Variants in SDK2 observed in about 807,000 individuals in gnomAD.
SDK2 encodes the protein sidekick cell adhesion molecule 2.
SDK2 carries 105 observed loss-of-function variants against 253.9 expected under a neutral mutation model. The ratio of observed to expected loss-of-function variants is 0.41; its 90% confidence interval spans 0.35 to 0.49. The LOEUF (loss-of-function observed/expected upper bound fraction) is 0.49. SDK2 is among the 20% of genes least tolerant of loss of function. The pLI is 0.06. For missense variants in SDK2, 2,608 were observed against 3,003.0 expected, an observed-to-expected ratio of 0.87 and a Z score of 3.07; for synonymous variants, 1,249 against 1,234.9, an observed-to-expected ratio of 1.01 and a Z score of -0.24.
chr17:73,347,794 T>C (rs1211129964), intron 44 of SDK2, among the ~76,000 whole-genome samples: 3 of 152,168 alleles, frequency 2.0e-5, no homozygotes, highest in African/African-American at 7.2e-5. Context: ...CCACACAGCC[T>C]GGGACAGTGT....
intron 3 of SDK2, among the ~76,000 whole-genome samples, chr17:73,457,564 C>T (rs915326350): frequency 2.0e-5 from 3 of 151,632 alleles, no homozygotes; most frequent in East Asian, 1.9e-4. Context: ...TTGGCCAGGC[C>T]GGTCTTGAAC....
intron 3 of SDK2, among the ~76,000 whole-genome samples, chr17:73,456,418 T>C (rs1461887065): frequency 6.6e-6 from 1 of 152,160 alleles, no homozygotes; most frequent in African/African-American, 2.4e-5. Context: ...GAATTTGAAC[T>C]CGGACCTTAA....
At chr17:73,531,304 C>T (rs35585985) in intron 1 of SDK2, among the ~76,000 whole-genome samples, 6,221 of 152,176 alleles carry the variant, frequency 0.041, 128 homozygotes, top group Middle Eastern at 0.12. Context: ...GTAGAGGTAC[C>T]GTAATTTTCT....
intron 40 of SDK2, among the ~76,000 whole-genome samples, chr17:73,354,314 G>A (rs1568362715): frequency 6.6e-6 from 1 of 152,186 alleles, no homozygotes; most frequent in Non-Finnish European, 1.5e-5. Flanking sequence ...CTCTTTATCC[G>A]TGGCTCTCTG....
chr17:73,444,887 C>T (rs1246758070), intron 5 of SDK2, among the ~76,000 whole-genome samples: 1 of 152,184 alleles, frequency 6.6e-6, no homozygotes, highest in Non-Finnish European at 1.5e-5. Flanking sequence ...GTGACCTGAA[C>T]CACCCAATGC....
intron 1 of SDK2, among the ~76,000 whole-genome samples, chr17:73,539,959 ACGGGG>A (rs2044839964): frequency 2.7e-5 from 4 of 146,734 alleles, no homozygotes; most frequent in East Asian, 2.0e-4. Context: ...CCCACCAGAG[ACGGGG>A]TCATGCAGCT....
intron 4 of SDK2, among the ~76,000 whole-genome samples, chr17:73,453,535 C>A (rs12943314): frequency 2.0e-5 from 3 of 152,018 alleles, no homozygotes; most frequent in Admixed American, 6.6e-5. Flanking sequence ...GTGCCACCAT[C>A]CCTGGCTAAT....
chr17:73,409,630 CA>C (rs1053675573), intron 18 of SDK2, among the ~76,000 whole-genome samples: 3 of 145,880 alleles, frequency 2.1e-5, no homozygotes, highest in African/African-American at 5.1e-5. Context: ...AACTCCATCT[CA>C]AAAAAAAGGA....
chr17:73,463,073 C>T lies in SDK2; in HGVS notation c.332-7020G>A, dbSNP rs116358509. ...CGAGAAGGGAGGGTGGAGACAATGA[C>T]GGTGATAACGGAGACTGAGGCCCCA... On this transcript the variant is annotated intron_variant, in intron 3 of 44. Coordinates refer to ENST00000392650, the MANE Select transcript of SDK2 (RefSeq NM_001144952.2). Among the ~76,000 whole-genome samples, 1,202 of 152,240 alleles carry T rather than the reference C, an allele frequency of 7.9e-3. 22 individuals are homozygous for T. The highest frequency in any genetic ancestry group is 0.028 in the African/African-American group (1,163 of 41,532).
intron 1 of SDK2, among the ~76,000 whole-genome samples, chr17:73,626,247 C>T (rs981155377): frequency 2.6e-5 from 4 of 152,232 alleles, no homozygotes; most frequent in Admixed American, 1.3e-4. Flanking sequence ...GATCCCAAGT[C>T]CTCCTCTCTT....
At chr17:73,439,360 C>T (rs549450341) in intron 6 of SDK2, among the ~76,000 whole-genome samples, 28 of 152,238 alleles carry the variant, frequency 1.8e-4, no homozygotes, top group African/African-American at 4.3e-4. Context: ...TGGGCTAATA[C>T]GCCATGCCTG....
Position 73,455,935 on chromosome 17 carries a change from G to C in SDK2, c.450C>G (p.Asp150Glu), listed in dbSNP as rs1367996217. The change falls in exon 4 of 45, where the codon GAC becomes GAG. Residue 150 changes from aspartate to glutamate, a missense_variant. Physicochemically the swap from Asp to Glu is conservative, Grantham distance 45. This residue lies in a region of SDK2 where 1,505 missense variants were observed against 1,859.1 expected (regional missense o/e 0.81). Transcript: ENST00000392650. The surrounding 1 kb of genome is among the most constrained non-coding windows in gnomAD (Gnocchi z 5.0). The stretch of plus-strand genomic sequence containing the variant: ...GGCTGCTGGGCGGGATCTTGCGGCC[G>C]TCCCGGAACCAGGTCACCTGTGGCT... ...FPQPQVTWFR[D>E]GRKIPPSSRI... 5 of 1,544,670 alleles carry C rather than the reference G, an allele frequency of 3.2e-6. No individual in the cohort carries two copies. The highest frequency in any genetic ancestry group is 2.7e-5 in the African/African-American group (2 of 72,980).
At chr17:73,632,316 T>C (rs886396184) in intron 1 of SDK2, among the ~76,000 whole-genome samples, 2 of 152,252 alleles carry the variant, frequency 1.3e-5, no homozygotes, top group African/African-American at 4.8e-5. Context: ...GCTGCCAGCA[T>C]GGCTAGATTA....
intron 1 of SDK2, among the ~76,000 whole-genome samples, chr17:73,614,291 T>C (rs940338420): frequency 6.6e-6 from 1 of 152,068 alleles, no homozygotes; most frequent in Non-Finnish European, 1.5e-5. Context: ...CAGGAAGGGG[T>C]CTCGCTCTTC....
Position 73,401,940 on chromosome 17 carries a change from G to A in SDK2, c.2680+6C>T, listed in dbSNP as rs2063031189. ...GGCAGAAAGAGCAGGGCTGGGGGGT[G>A]CCTACCATCCTCATGGGTGCGCACC... On this transcript the variant is annotated splice_donor_region_variant and intron_variant, in intron 19 of 44. Coordinates refer to ENST00000392650, the MANE Select transcript of SDK2 (RefSeq NM_001144952.2). The A allele has an allele frequency of 1.9e-6, 3 of 1,593,230 alleles. No homozygotes were observed. Among genetic ancestry groups the A allele is most frequent in the Admixed American group, 1.7e-5 (1 of 58,056 alleles).
chr17:73,389,564 A>G (rs1339812814), intron 29 of SDK2, among the ~76,000 whole-genome samples: 1 of 152,038 alleles, frequency 6.6e-6, no homozygotes, highest in African/African-American at 2.4e-5. Context: ...ATATATCCCT[A>G]TCAGGCCAGT....
intron 1 of SDK2, among the ~76,000 whole-genome samples, chr17:73,578,060 C>CTTTT (rs34300652): frequency 7.2e-6 from 1 of 139,032 alleles, no homozygotes; most frequent in African/African-American, 2.6e-5. Context: ...CTATGGACAT[C>CTTTT]TTTTTTTTTT....
intron 1 of SDK2, among the ~76,000 whole-genome samples, chr17:73,514,363 C>T (rs2064006051): frequency 6.6e-6 from 1 of 152,194 alleles, no homozygotes. Context: ...CCATTGTCCT[C>T]CCTAGGCTCC....
chr17:73,418,356 T>C (rs1213979892), intron 16 of SDK2, among the ~76,000 whole-genome samples: 3 of 152,156 alleles, frequency 2.0e-5, no homozygotes, highest in Non-Finnish European at 2.9e-5. Context: ...TTAAAGTTTC[T>C]GGTTTGGTAG....
Sources: allele counts gnomAD v4.1 joint callset (sites outside exome capture counted in the v4.1 genomes callset), GRCh38; gene constraint gnomAD v4.1.1; regional missense constraint gnomAD v4.1.1; non-coding constraint Gnocchi (gnomAD v3.1); transcripts MANE v1.5; gene names NCBI Gene and HGNC (gene_info 2026-07-23, HGNC 2026-07-21).